Variants in ABTB3 observed in about 807,000 individuals in gnomAD.
ABTB3 encodes the protein ankyrin repeat- and BTB/POZ domain-containing protein 3.
the ABTB3 span, among the ~76,000 whole-genome samples, chr12:107,493,389 C>T: frequency 8.5e-5 from 13 of 152,184 alleles, no homozygotes; most frequent in Admixed American, 7.8e-4. Flanking sequence ...AAGACAGACC[C>T]TCTGACAGCA....
the ABTB3 span, among the ~76,000 whole-genome samples, chr12:107,499,584 C>T: frequency 4.3e-4 from 66 of 152,232 alleles, no homozygotes; most frequent in East Asian, 0.01. Flanking sequence ...CACAGTTTTG[C>T]ATGGCTGGGG....
chr12:107,345,480 C>A, the ABTB3 span, among the ~76,000 whole-genome samples: 12 of 149,234 alleles, frequency 8.0e-5, no homozygotes, highest in South Asian at 2.1e-4. Flanking sequence ...AAAAAAAAAT[C>A]CAACCCAAAC....
chr12:107,426,396 A>G, the ABTB3 span, among the ~76,000 whole-genome samples: 2 of 152,138 alleles, frequency 1.3e-5, no homozygotes, highest in East Asian at 3.9e-4. Flanking sequence ...GACACAGCCC[A>G]GGAATCTGTG....
the ABTB3 span, among the ~76,000 whole-genome samples, chr12:107,365,991 A>T: frequency 6.6e-6 from 1 of 152,248 alleles, no homozygotes; most frequent in Non-Finnish European, 1.5e-5. Context: ...CAGATAAGGG[A>T]TAACATATCC....
chr12:107,521,089 C>T, the ABTB3 span, among the ~76,000 whole-genome samples: 2,141 of 152,128 alleles, frequency 0.014, 46 homozygotes, highest in African/African-American at 0.042. Context: ...AGAAATATTA[C>T]GTGTGTATTC....
chr12:107,341,899 C>T, the ABTB3 span, among the ~76,000 whole-genome samples: 2 of 152,148 alleles, frequency 1.3e-5, no homozygotes, highest in East Asian at 1.9e-4. Context: ...TGCCATGTGA[C>T]ATGCCTGCTC....
the ABTB3 span, among the ~76,000 whole-genome samples, chr12:107,589,997 C>T: frequency 6.6e-6 from 1 of 152,342 alleles, no homozygotes; most frequent in Middle Eastern, 3.4e-3. Context: ...GCAACCTCCA[C>T]CTCCTGGGTT....
At chr12:107,546,016 C>T in the ABTB3 span, among the ~76,000 whole-genome samples, 1 of 152,224 alleles carries the variant, frequency 6.6e-6, no homozygotes, top group Admixed American at 6.5e-5. Context: ...TCAGTTTCCA[C>T]TGTCAAGTCT....
the ABTB3 span, among the ~76,000 whole-genome samples, chr12:107,573,310 A>G: frequency 7.2e-5 from 11 of 152,326 alleles, 1 homozygote; most frequent in Admixed American, 6.5e-5. Context: ...ATGCAACTAA[A>G]TCCCATTGCA....
chr12:107,630,199 C>T, the ABTB3 span, among the ~76,000 whole-genome samples: 2 of 152,334 alleles, frequency 1.3e-5, no homozygotes, highest in East Asian at 3.9e-4. Context: ...GCCACCACGG[C>T]GTAGCACCCT....
chr12:107,618,526 A>T, the ABTB3 span: 1 of 710,328 alleles, frequency 1.4e-6, no homozygotes, highest in African/African-American at 1.8e-5. Flanking sequence ...GGACCCAGGG[A>T]GCTTCCCCTT....
chr12:107,488,483 A>G, the ABTB3 span, among the ~76,000 whole-genome samples: 2 of 152,030 alleles, frequency 1.3e-5, no homozygotes, highest in East Asian at 1.9e-4. Context: ...AATGCTTGTA[A>G]AGTGTTTAAC....
At chr12:107,420,504 G>A in the ABTB3 span, among the ~76,000 whole-genome samples, 1 of 152,124 alleles carries the variant, frequency 6.6e-6, no homozygotes, top group East Asian at 1.9e-4. Context: ...TCACTATCAT[G>A]AGAACAGCAC....
chr12:107,522,925 C>G, the ABTB3 span, among the ~76,000 whole-genome samples: 1 of 152,000 alleles, frequency 6.6e-6, no homozygotes, highest in Non-Finnish European at 1.5e-5. Flanking sequence ...GCTTACATAC[C>G]CCCTAATTCA....
chr12:107,351,458 G>T, the ABTB3 span, among the ~76,000 whole-genome samples: 1 of 152,164 alleles, frequency 6.6e-6, no homozygotes, highest in Non-Finnish European at 1.5e-5. Context: ...GGCTTCTAAT[G>T]CCCTACTATG....
the ABTB3 span, among the ~76,000 whole-genome samples, chr12:107,624,770 A>G: frequency 6.6e-6 from 1 of 152,246 alleles, no homozygotes. Context: ...GTTTTAGGCT[A>G]TCACAAATAA....
At chr12:107,629,241 A>G in the ABTB3 span, among the ~76,000 whole-genome samples, 2 of 146,272 alleles carry the variant, frequency 1.4e-5, no homozygotes, top group Non-Finnish European at 3.0e-5. Flanking sequence ...ACATAGTGAG[A>G]CCTCATCTAC....
At chr12:107,490,539 G>A in the ABTB3 span, among the ~76,000 whole-genome samples, 1 of 152,106 alleles carries the variant, frequency 6.6e-6, no homozygotes, top group Non-Finnish European at 1.5e-5. Context: ...CCAGGTGAGA[G>A]CCAACCCAGG....
At chr12:107,632,641 G>A in the ABTB3 span, among the ~76,000 whole-genome samples, 2 of 152,174 alleles carry the variant, frequency 1.3e-5, no homozygotes, top group Non-Finnish European at 2.9e-5. Flanking sequence ...ATTATCTCAT[G>A]GCTTCTCTGG....
Sources: gnomAD v4.1 joint callset for allele counts (sites outside exome capture counted in the v4.1 genomes callset) on GRCh38, gnomAD v4.1.1 for gene constraint, MANE v1.5 for transcripts, NCBI Gene and HGNC (gene_info 2026-07-23, HGNC 2026-07-21) for gene names.